RASA4B: variants seen among roughly 807,000 people sequenced by gnomAD.
RASA4B encodes the protein RAS p21 protein activator 4B.
Under a neutral mutation model 24.2 loss-of-function variants are expected in RASA4B, and 2 were observed. The ratio of observed to expected loss-of-function variants is 0.08; its 90% CI spans 0.03 to 0.26. RASA4B has a LOEUF of 0.26. RASA4B is among the 10% of genes least tolerant of loss of function. The pLI is 1.00. For missense variants in RASA4B, 8 were observed against 277.2 expected (o/e 0.03, Z 6.90); for synonymous variants, 2 against 125.6 (o/e 0.02, Z 6.58).
intron 16 of RASA4B, among the ~76,000 whole-genome samples, chr7:102,491,636 G>A (rs1798948919): frequency 3.0e-5 from 2 of 65,980 alleles, no homozygotes; most frequent in East Asian, 1.2e-3. Flanking sequence ...GCATGGTGGC[G>A]CATGCCTGTA....
In RASA4B at chr7:102,480,118, T is replaced by C. The variant is rs1393075707; in HGVS notation, c.*3474A>G. 1.3e-5 allele frequency among the ~76,000 whole-genome samples: 2 copies of C among 152,136 alleles called. No homozygotes were observed. Among genetic ancestry groups the C allele is most frequent in the Non-Finnish European group, 2.9e-5 (2 of 68,016 alleles). The stretch of plus-strand genomic sequence containing the variant: ...AGACAAGAGTGCGAGCTTTCTGTTA[T>C]GCCCGGACAGGGCCACCAGAGGGCT... On this transcript the variant is annotated 3_prime_UTR_variant, in exon 21 of 21. Coordinates refer to ENST00000465829, the MANE Select transcript of RASA4B (RefSeq NM_001367767.2).
chr7:102,498,413 C>A (rs1295345024), intron 8 of RASA4B, among the ~76,000 whole-genome samples: 1 of 137,878 alleles, frequency 7.3e-6, no homozygotes, highest in African/African-American at 2.6e-5. Context: ...AGGTGCCCGC[C>A]ACCACATCCG....
chr7:102,484,674 T>C (rs556525825), intron 19 of RASA4B, among the ~76,000 whole-genome samples: 1 of 137,056 alleles, frequency 7.3e-6, no homozygotes, highest in South Asian at 2.5e-4. Flanking sequence ...CATCCTGTTT[T>C]TTAAAGCTGA....
chr7:102,498,260 A>AG (rs1799233807), intron 8 of RASA4B, among the ~76,000 whole-genome samples: 1 of 146,322 alleles, frequency 6.8e-6, no homozygotes, highest in Non-Finnish European at 1.5e-5. Flanking sequence ...CTTCTTCTTT[A>AG]TTTATTTTTT....
rs556562581 is a variant in RASA4B, at chr7:102,489,638, A to G, written c.1969-1040T>C. 6.0e-5 allele frequency among the ~76,000 whole-genome samples: 9 copies of G among 149,514 alleles called. No individual in the cohort carries two copies. In the South Asian group the frequency reaches 6.5e-4, roughly 11 times the overall value. On this transcript the variant is annotated intron_variant, in intron 17 of 20. Coordinates refer to ENST00000465829, the MANE Select transcript of RASA4B (RefSeq NM_001367767.2). ...CCCCCAAGTAGCTGGGACTACAGGC[A>G]CCCACCACCACACCCGGCTACTTTT...
chr7:102,495,982 C>G (rs1799105654), intron 11 of RASA4B, among the ~76,000 whole-genome samples, 158 bp downstream of exon 11: 1 of 151,446 alleles, frequency 6.6e-6, no homozygotes, highest in Non-Finnish European at 1.5e-5. Context: ...GCTGCAATTA[C>G]AGGCATGAGC....
At position 102,480,211 on chromosome 7, in the gene RASA4B, T is replaced by C. The variant is rs751224523; in HGVS notation, c.*3381A>G. ...TGCCAAGCCCACCGTGGTCTAGCTG[T>C]AGCGTTAGTGTCAAGGAAAAACACC... is the stretch of plus-strand genomic sequence containing the variant. On this transcript the variant is annotated 3_prime_UTR_variant, in exon 21 of 21. Coordinates refer to ENST00000465829, the MANE Select transcript of RASA4B (RefSeq NM_001367767.2). 2.2e-4 allele frequency among the ~76,000 whole-genome samples: 34 copies of C among 152,242 alleles called. No homozygotes were observed. The highest frequency in any genetic ancestry group is 5.2e-4 in the Admixed American group (8 of 15,264).
intron 8 of RASA4B, 124 bp from the exon 9 acceptor site, chr7:102,497,088 T>G: frequency 2.0e-6 from 2 of 1,004,170 alleles, no homozygotes; most frequent in Non-Finnish European, 2.9e-6. Context: ...TGCCCTCCAT[T>G]CGGGTGCCCT....
At position 102,481,665 on chromosome 7, in the gene RASA4B, CA is replaced by C. The variant is rs553740659; in HGVS notation, c.*1926del. Among the ~76,000 whole-genome samples, 1,579 of 35,478 alleles carry C rather than the reference CA, an allele frequency of 0.045. 46 individuals are homozygous for C. Among genetic ancestry groups the C allele is most frequent in the Middle Eastern group, 0.1 (5 of 48 alleles). 23.3% of individuals were successfully genotyped at this position (35,478 alleles called of 152,430 possible). On this transcript the variant is annotated 3_prime_UTR_variant, in exon 21 of 21. Transcript: ENST00000465829. Reference sequence around the variant, plus strand: ...TGGGCAACACAGTGAGACTCTGTCTCAAAAAAAAAAAAAAAAAAAATTATAA... The same window carrying C: ...TGGGCAACACAGTGAGACTCTGTCTCAAAAAAAAAAAAAAAAAAATTATAA...
At chr7:102,498,177 G>A (rs1799227510) in intron 8 of RASA4B, among the ~76,000 whole-genome samples, 1 of 140,330 alleles carries the variant, frequency 7.1e-6, no homozygotes, top group African/African-American at 2.5e-5. Context: ...GAGATTACAG[G>A]CATGCGCCAC....
At chr7:102,502,683 T>C (rs1389426219) in intron 6 of RASA4B, among the ~76,000 whole-genome samples, 1 of 121,038 alleles carries the variant, frequency 8.3e-6, no homozygotes, top group Non-Finnish European at 2.0e-5. Context: ...TCTCTCCAAC[T>C]GGGAAGGCAG....
intron 8 of RASA4B, among the ~76,000 whole-genome samples, chr7:102,499,193 A>ATATATATATAT (rs796973422): frequency 2.0e-5 from 2 of 100,516 alleles, no homozygotes; most frequent in Non-Finnish European, 4.9e-5. Flanking sequence ...TCAAAAAAAA[A>ATATATATATAT]ATATATATAT....
At chr7:102,504,115 C>CTTT (rs776617466) in intron 5 of RASA4B, among the ~76,000 whole-genome samples, 4 of 135,830 alleles carry the variant, frequency 2.9e-5, no homozygotes, top group Middle Eastern at 4.0e-3. Flanking sequence ...TTATTCTTTT[C>CTTT]TTTTTTTTTT....
At position 102,497,295 on chromosome 7, in the gene RASA4B, C is replaced by T. The variant is rs1310274454; in HGVS notation, c.738-331G>A. ...ATGGCACCATCATGGGTACACTTTA[C>T]AGCAGAAGCAAATCCCCAACCCTCA... On this transcript the variant is annotated intron_variant, in intron 8 of 20. Coordinates refer to ENST00000465829, the MANE Select transcript of RASA4B (RefSeq NM_001367767.2). 8.6e-5 allele frequency among the ~76,000 whole-genome samples: 13 copies of T among 151,658 alleles called. No individual in the cohort carries two copies. The East Asian group carries it at 2.6e-3, about 30-fold the overall frequency.
chr7:102,502,774 C>A (rs1799366977), intron 6 of RASA4B, among the ~76,000 whole-genome samples: 1 of 121,836 alleles, frequency 8.2e-6, no homozygotes, highest in Admixed American at 8.9e-5. Flanking sequence ...AAAAAAAACA[C>A]CACGAAACAC....
Position 102,480,408 on chromosome 7 carries a change from C to G in RASA4B, c.*3184G>C, listed in dbSNP as rs930476709. ...TGAGAGTGCAGAGGAGTGTGAGATG[C>G]GTGTGAAAATGCAAACTTGGCTCTC... On this transcript the variant is annotated 3_prime_UTR_variant, in exon 21 of 21. Coordinates refer to ENST00000465829, the MANE Select transcript of RASA4B (RefSeq NM_001367767.2). 1.3e-5 allele frequency among the ~76,000 whole-genome samples: 2 copies of G among 148,202 alleles called. No individual in the cohort carries two copies. The highest frequency in any genetic ancestry group is 2.2e-4 in the South Asian group (1 of 4,542).
chr7:102,492,961 C>T (rs867283391), intron 16 of RASA4B, among the ~76,000 whole-genome samples, 155 bp downstream of exon 16: 178 of 142,096 alleles, frequency 1.3e-3, no homozygotes, highest in African/African-American at 4.2e-3. Context: ...CCACCGTGCC[C>T]GGCCCTCCTA....
chr7:102,495,742 C>G (rs1799091941), intron 11 of RASA4B, among the ~76,000 whole-genome samples: 1 of 82,410 alleles, frequency 1.2e-5, no homozygotes, highest in South Asian at 4.6e-4. Context: ...GGCACGGAGT[C>G]TAGCACGGGG....
rs1171624569 is a variant in RASA4B, at chr7:102,504,485, G to T, written c.429-1241C>A. ...TTGATATTTGAAGCCTCTCATACCT[G>T]CCTTTCTTCCCCCTCAAGACTGTCT... On this transcript the variant is annotated intron_variant, in intron 5 of 20. Coordinates refer to ENST00000465829, the MANE Select transcript of RASA4B (RefSeq NM_001367767.2). 7.0e-5 allele frequency among the ~76,000 whole-genome samples: 2 copies of T among 28,546 alleles called. 1 individual carries two copies. Among genetic ancestry groups the T allele is most frequent in the Non-Finnish European group, 1.9e-4 (2 of 10,534 alleles). 18.7% of individuals were successfully genotyped at this position (28,546 alleles called of 152,430 possible).
Sources: gnomAD v4.1 joint callset for allele counts (sites outside exome capture counted in the v4.1 genomes callset) on GRCh38, gnomAD v4.1.1 for gene constraint, MANE v1.5 for transcripts, NCBI Gene and HGNC (gene_info 2026-07-23, HGNC 2026-07-21) for gene names.